CD28: variants seen among roughly 807,000 people sequenced by gnomAD.
CD28 encodes T-cell-specific surface glycoprotein CD28.
CD28 carries 8 observed loss-of-function variants against 21.4 expected under a neutral mutation model. The observed-to-expected ratio is 0.37, with a 90% CI of 0.22 to 0.68. The LOEUF (loss-of-function observed/expected upper bound fraction) is 0.68. Ranked by LOEUF, CD28 falls within the 30% of genes least tolerant of loss-of-function variation. The pLI is 0.55. For missense variants in CD28, 239 were observed against 272.2 expected (o/e 0.88, Z 0.86); for synonymous variants, 106 against 104.0 (o/e 1.02, Z -0.12).
intron 2 of CD28, among the ~76,000 whole-genome samples, chr2:203,728,066 T>C (rs1043427050): frequency 6.6e-6 from 1 of 152,174 alleles, no homozygotes; most frequent in Non-Finnish European, 1.5e-5. Flanking sequence ...CACCTGGGCC[T>C]CCCAAAGTGC....
intron 1 of CD28, among the ~76,000 whole-genome samples, chr2:203,713,968 AG>A (rs1021889678): frequency 3.3e-5 from 5 of 150,686 alleles, no homozygotes; most frequent in Non-Finnish European, 5.9e-5. Flanking sequence ...GAGGAGGGAG[AG>A]GAAAAAAAGA....
chr2:203,727,246 C>A (rs1693775681), intron 2 of CD28, among the ~76,000 whole-genome samples: 1 of 152,152 alleles, frequency 6.6e-6, no homozygotes, highest in African/African-American at 2.4e-5. Context: ...GGGAACAGAT[C>A]ATTTTTCTCC....
intron 1 of CD28, among the ~76,000 whole-genome samples, chr2:203,710,609 G>A (rs1186158220): frequency 6.6e-6 from 1 of 152,108 alleles, no homozygotes; most frequent in Non-Finnish European, 1.5e-5. Flanking sequence ...CTTTTATCTT[G>A]TGTGGATATC....
At chr2:203,726,559 A>T in intron 1 of CD28, 74 bp from the exon 2 acceptor site, 1 of 1,008,298 alleles carries the variant, frequency 9.9e-7, no homozygotes, top group Non-Finnish European at 1.5e-6. Context: ...TTAGTTAATT[A>T]ATATATTTTG....
chr2:203,726,354 A>G (rs1693748694), intron 1 of CD28, among the ~76,000 whole-genome samples: 2 of 152,220 alleles, frequency 1.3e-5, no homozygotes, highest in Non-Finnish European at 2.9e-5. Flanking sequence ...AAAAATTGTG[A>G]GTGCCTAGCT....
chr2:203,731,963 A>G (rs183461779), intron 3 of CD28, among the ~76,000 whole-genome samples: 85 of 152,340 alleles, frequency 5.6e-4, no homozygotes, highest in African/African-American at 2.0e-3. Context: ...CTCTCTTACC[A>G]AAAGAGTATA....
At position 203,726,276 on chromosome 2, in the gene CD28, A is replaced by G. The variant is rs116207167; in HGVS notation, c.53-357A>G. ...GTGTCAGGCACTAAAGCCACCTCCA[A>G]ATATATCACTCAGTCAGGAAATTGG... is the stretch of plus-strand genomic sequence containing the variant. On this transcript the variant is annotated intron_variant, in intron 1 of 3. Coordinates refer to ENST00000324106, the MANE Select transcript of CD28 (RefSeq NM_006139.4). 2.8e-3 allele frequency among the ~76,000 whole-genome samples: 424 copies of G among 152,300 alleles called. 4 individuals are homozygous for G. The highest frequency in any genetic ancestry group is 9.9e-3 in the African/African-American group (413 of 41,560).
At position 203,735,226 on chromosome 2, in the gene CD28, C is replaced by A; in HGVS notation, c.*314C>A. ...AGGGAGTGGATTCTGGGAGCCTCTT[C>A]CCTTTCTCACTCACCTGCACATCTC... is the stretch of plus-strand genomic sequence containing the variant. On this transcript the variant is annotated 3_prime_UTR_variant, in exon 4 of 4. Transcript: ENST00000324106. 3.1e-6 allele frequency: 1 copy of A among 318,588 alleles called. No individual in the cohort carries two copies. 19.7% of individuals were successfully genotyped at this position (318,588 alleles called of 1,614,324 possible).
At chr2:203,721,291 C>T (rs763279792) in intron 1 of CD28, among the ~76,000 whole-genome samples, 17 of 152,192 alleles carry the variant, frequency 1.1e-4, no homozygotes, top group Non-Finnish European at 2.2e-4. Flanking sequence ...CCAGCAAAAT[C>T]TTAGCACTTT....
At chr2:203,717,502 C>T (rs971126962) in intron 1 of CD28, among the ~76,000 whole-genome samples, 13 of 152,190 alleles carry the variant, frequency 8.5e-5, no homozygotes, top group Admixed American at 1.3e-4. Flanking sequence ...CCTCGTGGTT[C>T]TGCTCTTGCC....
intron 1 of CD28, among the ~76,000 whole-genome samples, chr2:203,719,209 G>A (rs1693543173): frequency 1.3e-5 from 2 of 152,028 alleles, no homozygotes; most frequent in East Asian, 1.9e-4. Context: ...TCCATTATTT[G>A]TGTGACCTTG....
chr2:203,723,797 T>C (rs978060594), intron 1 of CD28, among the ~76,000 whole-genome samples: 4 of 152,326 alleles, frequency 2.6e-5, no homozygotes, highest in East Asian at 3.9e-4. Context: ...CTGGTGAGAA[T>C]GTACAATGGT....
chr2:203,711,884 TTTCAGAGA>T (rs1693323046), intron 1 of CD28, among the ~76,000 whole-genome samples: 1 of 151,994 alleles, frequency 6.6e-6, no homozygotes, highest in South Asian at 2.1e-4. Flanking sequence ...TCCATCAGAG[TTTCAGAGA>T]ATATAAAAAG....
Position 203,706,755 on chromosome 2 carries a change from A to C in CD28, c.52+7A>C, listed in dbSNP as rs775136196. On this transcript the variant is annotated splice_region_variant and intron_variant, in intron 1 of 3. Transcript: ENST00000324106. ...CCTTCAATTCAAGTAACAGGTAAACAATGTTAATGTCTTTCTTTCTGTAAA... is the reference window on the plus strand; with the variant it reads ...CCTTCAATTCAAGTAACAGGTAAACCATGTTAATGTCTTTCTTTCTGTAAA... 2.5e-6 allele frequency: 4 copies of C among 1,583,400 alleles called. No homozygotes were observed. Among genetic ancestry groups the C allele is most frequent in the African/African-American group, 1.3e-5 (1 of 74,308 alleles).
chr2:203,713,879 G>C (rs1218985744), intron 1 of CD28, among the ~76,000 whole-genome samples: 6 of 142,784 alleles, frequency 4.2e-5, no homozygotes, highest in Admixed American at 3.6e-4. Context: ...GAGAGAGACA[G>C]AGAGAGAGAG....
At position 203,735,440 on chromosome 2, in the gene CD28, C is replaced by G. The variant is rs1694006437; in HGVS notation, c.*528C>G. On this transcript the variant is annotated 3_prime_UTR_variant, in exon 4 of 4. Transcript: ENST00000324106. ...CACTGTCTCCCACTCATGAAATGAGCCACGTAGTTCCTATTTAATGCTGTT... is the reference window on the plus strand; with the variant it reads ...CACTGTCTCCCACTCATGAAATGAGGCACGTAGTTCCTATTTAATGCTGTT... 1 of 153,712 alleles carries G rather than the reference C, an allele frequency of 6.5e-6. No homozygotes were observed. The highest frequency in any genetic ancestry group is 2.4e-5 in the African/African-American group (1 of 41,440). 9.5% of individuals were successfully genotyped at this position (153,712 alleles called of 1,614,324 possible).
intron 1 of CD28, among the ~76,000 whole-genome samples, chr2:203,719,982 C>T (rs765581633): frequency 2.0e-4 from 30 of 152,136 alleles, no homozygotes; most frequent in Non-Finnish European, 3.4e-4. Context: ...TAGGTGTAAA[C>T]GGCAAGAGTT....
intron 2 of CD28, among the ~76,000 whole-genome samples, chr2:203,727,783 C>G (rs1052098434): frequency 1.3e-5 from 2 of 152,098 alleles, no homozygotes; most frequent in African/African-American, 4.8e-5. Flanking sequence ...AGGTTCATGC[C>G]ATTCTCCTGC....
rs769814923 is a variant in CD28 at position 203,729,672 on chromosome 2, T to C, written c.434T>C (p.Leu145Pro). 3.1e-6 allele frequency: 5 copies of C among 1,614,082 alleles called. No homozygotes were observed. The highest frequency in any genetic ancestry group is 4.2e-6 in the Non-Finnish European group (5 of 1,179,910). ...GGGAAACACCTTTGTCCAAGTCCCC[T>C]ATTTCCCGGACCTTCTAAGCCCTTT... ...VKGKHLCPSP[L>P]FPGPSKPFWV... is the part of the protein sequence containing the mutation. Residue 145 changes from leucine (L) to proline (P), a missense_variant, in exon 3 of 4, where the codon CTA becomes CCA. By Grantham distance (98) the Leu-to-Pro change is moderately conservative (BLOSUM62 -3). Around this residue, in one of 3 missense-constraint regions of CD28, gnomAD observed 112 missense variants for 112.8 expected, o/e 0.99. Transcript: ENST00000324106.
Sources: gnomAD v4.1 joint callset for allele counts (sites outside exome capture counted in the v4.1 genomes callset) on GRCh38, gnomAD v4.1.1 for gene constraint, gnomAD v4.1.1 regional missense constraint, MANE v1.5 for transcripts, NCBI Gene and HGNC (gene_info 2026-07-23, HGNC 2026-07-21) for gene names.